The following TMEM63C variants were observed in gnomAD, a reference collection of about 807,000 sequenced individuals.
TMEM63C encodes the protein transmembrane protein 63C.
Under a neutral mutation model 99.2 loss-of-function variants are expected in TMEM63C, and 32 were observed. The observed-to-expected ratio is 0.32, with a 90% confidence interval of 0.24 to 0.43. TMEM63C has a LOEUF of 0.43. Ranked by LOEUF, TMEM63C falls within the 20% of genes least tolerant of loss-of-function variation. The pLI, the probability that TMEM63C is intolerant of heterozygous loss-of-function variation, is 1.00. For synonymous variants in TMEM63C, 376 were observed against 397.9 expected (o/e 0.94, Z 0.66); for missense variants, 826 against 1,053.0 (o/e 0.78, Z 2.98).
chr14:77,223,700 A>G (rs191803063), intron 5 of TMEM63C, among the ~76,000 whole-genome samples: 4 of 152,216 alleles, frequency 2.6e-5, no homozygotes, highest in African/African-American at 7.2e-5. Context: ...AGAGATCCAC[A>G]CAGGATATTC....
intron 1 of TMEM63C, among the ~76,000 whole-genome samples, chr14:77,182,246 G>T (rs532962625): frequency 1.3e-5 from 2 of 152,214 alleles, no homozygotes; most frequent in East Asian, 1.9e-4. Context: ...ACCGCTCGGG[G>T]CTACCCTCTC....
rs1002883091 is a variant in TMEM63C at position 77,248,409 on chromosome 14, T to C, written c.1664T>C (p.Leu555Pro). The C allele has an allele frequency of 2.5e-6, 4 of 1,604,482 alleles. No individual in the cohort carries two copies. In the South Asian group the frequency reaches 3.4e-5, roughly 13 times the overall value. ...FVNYVITAAL[L>P]GTGMELLRLG... ...AACTACGTGATCACGGCAGCTTTAC[T>C]TGGCACAGGCATGGAGCTGCTGCGT... The change falls in exon 19 of 24, where the codon CTT becomes CCT. Residue 555 changes from leucine (L) to proline (P), a missense_variant. Transcript: ENST00000298351.
At chr14:77,185,118 C>T (rs923903965) in intron 1 of TMEM63C, among the ~76,000 whole-genome samples, 9 of 152,218 alleles carry the variant, frequency 5.9e-5, no homozygotes, top group Non-Finnish European at 1.3e-4. Context: ...GAAGCATAGA[C>T]CTGCTTAGAA....
intron 7 of TMEM63C, among the ~76,000 whole-genome samples, chr14:77,232,201 A>G (rs1315970460): frequency 6.6e-6 from 1 of 152,210 alleles, no homozygotes; most frequent in South Asian, 2.1e-4. Flanking sequence ...CAGAAAAATC[A>G]TGGCTCCACA....
At chr14:77,219,124 G>T (rs1888645494) in intron 3 of TMEM63C, among the ~76,000 whole-genome samples, 161 bp downstream of exon 3, 1 of 152,248 alleles carries the variant, frequency 6.6e-6, no homozygotes, top group Admixed American at 6.5e-5. Context: ...CGGTAGGTGG[G>T]CCTCAAAGAG....
intron 22 of TMEM63C, among the ~76,000 whole-genome samples, chr14:77,252,379 T>G (rs1889383837): frequency 6.6e-6 from 1 of 152,148 alleles, no homozygotes; most frequent in African/African-American, 2.4e-5. Flanking sequence ...CTGCCCCACA[T>G]GACTCCTTTG....
chr14:77,202,673 C>A (rs1330528991), intron 1 of TMEM63C, among the ~76,000 whole-genome samples: 1 of 152,180 alleles, frequency 6.6e-6, no homozygotes, highest in Non-Finnish European at 1.5e-5. Flanking sequence ...TCATGTATGA[C>A]CTCATTTTAA....
At chr14:77,187,522 G>A (rs781119840) in intron 1 of TMEM63C, among the ~76,000 whole-genome samples, 2 of 152,250 alleles carry the variant, frequency 1.3e-5, no homozygotes, top group African/African-American at 2.4e-5. Flanking sequence ...CCATGGAGGG[G>A]CTTCTTGGGG....
intron 13 of TMEM63C, among the ~76,000 whole-genome samples, chr14:77,241,894 G>A (rs912483988): frequency 3.9e-5 from 6 of 152,182 alleles, no homozygotes; most frequent in Non-Finnish European, 8.8e-5. Context: ...ACATCTCTAG[G>A]CACCTCGATT....
intron 1 of TMEM63C, among the ~76,000 whole-genome samples, chr14:77,192,241 T>C (rs1888122525): frequency 6.6e-6 from 1 of 152,250 alleles, no homozygotes; most frequent in African/African-American, 2.4e-5. Flanking sequence ...CTACACCCTT[T>C]ACCTGTAATA....
chr14:77,187,829 G>T (rs1401067775), intron 1 of TMEM63C, among the ~76,000 whole-genome samples: 1 of 152,216 alleles, frequency 6.6e-6, no homozygotes, highest in Non-Finnish European at 1.5e-5. Flanking sequence ...TTTGAACCCA[G>T]CTCTGACCCA....
chr14:77,220,144 G>C, intron 5 of TMEM63C, 57 bp downstream of exon 5: 3 of 1,478,548 alleles, frequency 2.0e-6, no homozygotes, highest in Non-Finnish European at 2.8e-6. Flanking sequence ...AGGCAGGCGT[G>C]GTGTGCACAG....
At chr14:77,244,774 C>A (rs1269250917) in intron 16 of TMEM63C, among the ~76,000 whole-genome samples, 3 of 152,232 alleles carry the variant, frequency 2.0e-5, no homozygotes, top group Non-Finnish European at 4.4e-5. Flanking sequence ...TAGGCATGAG[C>A]TAGGCAGTCC....
intron 9 of TMEM63C, 108 bp downstream of exon 9, chr14:77,236,840 G>T: frequency 1.3e-6 from 1 of 760,088 alleles, no homozygotes; most frequent in Non-Finnish European, 2.3e-6. Context: ...CAGGGAGACT[G>T]TGATAGATGG....
chr14:77,184,038 C>A, intron 1 of TMEM63C, among the ~76,000 whole-genome samples: 1 of 152,164 alleles, frequency 6.6e-6, no homozygotes, highest in East Asian at 1.9e-4. Flanking sequence ...TACCTGATAG[C>A]TAGGCATGAA....
chr14:77,198,477 G>A (rs899979403), intron 1 of TMEM63C, among the ~76,000 whole-genome samples: 1 of 152,220 alleles, frequency 6.6e-6, no homozygotes, highest in African/African-American at 2.4e-5. Context: ...GATAACACCT[G>A]CTTCGTAGAG....
At position 77,234,244 on chromosome 14, in the gene TMEM63C, C is replaced by T. The variant is rs1355440915; in HGVS notation, c.542+744C>T. Among the ~76,000 whole-genome samples the T allele has an allele frequency of 3.3e-5, 5 of 152,068 alleles. No individual in the cohort carries two copies. In the South Asian group the frequency reaches 1.0e-3, roughly 32 times the overall value. ...GGGTTCACACACCCCTGCCCCACCT[C>T]GCCTCCCCCAACCCCTATCCCTCTG... On this transcript the variant is annotated intron_variant, in intron 8 of 23. Coordinates refer to ENST00000298351, the MANE Select transcript of TMEM63C (RefSeq NM_020431.4).
chr14:77,237,913 A>G (rs1471463008), intron 9 of TMEM63C, among the ~76,000 whole-genome samples: 1 of 152,180 alleles, frequency 6.6e-6, no homozygotes, highest in Admixed American at 6.5e-5. Flanking sequence ...CGTCCATTCA[A>G]AAGGACTGAT....
chr14:77,213,014 T>C lies in TMEM63C; in HGVS notation c.-76-432T>C, dbSNP rs192762076. Among the ~76,000 whole-genome samples, 100 of 152,346 alleles carry C rather than the reference T, an allele frequency of 6.6e-4. 1 individual carries two copies. Among genetic ancestry groups the C allele is most frequent in the African/African-American group, 2.4e-3 (98 of 41,586 alleles). Reference sequence around the variant, plus strand: ...TGTTTGTACTTCCAGGGGAAATAGATACTCAATGAATTCTTGTTGAATGAA... The same window carrying C: ...TGTTTGTACTTCCAGGGGAAATAGACACTCAATGAATTCTTGTTGAATGAA... On this transcript the variant is annotated intron_variant, in intron 1 of 23. Coordinates refer to ENST00000298351, the MANE Select transcript of TMEM63C (RefSeq NM_020431.4).
Sources: gnomAD v4.1 joint callset for allele counts (sites outside exome capture counted in the v4.1 genomes callset) on GRCh38, gnomAD v4.1.1 for gene constraint, MANE v1.5 for transcripts, NCBI Gene and HGNC (gene_info 2026-07-23, HGNC 2026-07-21) for gene names.